KLF8: variants seen among roughly 807,000 people sequenced by gnomAD.
KLF8 encodes the protein Krueppel-like factor 8.
In KLF8, 10 loss-of-function variants were observed where a neutral mutation model predicts 18.2. The ratio of observed to expected loss-of-function variants is 0.55; its 90% CI spans 0.34 to 0.93. The LOEUF (loss-of-function observed/expected upper bound fraction) is 0.93. Ranked by LOEUF, KLF8 falls within the 40% of genes least tolerant of loss-of-function variation. The probability of loss-of-function intolerance (pLI) is 0.02; values close to 1 mark genes in which losing one functional copy is unlikely to be tolerated. For synonymous variants in KLF8, 109 were observed against 97.3 expected (o/e 1.12, Z -0.71); for missense variants, 264 against 277.9 (o/e 0.95, Z 0.36).
chrX:56,282,010 G>A lies in KLF8; in HGVS notation c.899-2303G>A, dbSNP rs186144636. ...TTACAAGTCAAATTTTCCTCAATTG[G>A]TTGAGGTGTATATAGGAATTCTCAG... On this transcript the variant is annotated intron_variant, in intron 5 of 5. Transcript: ENST00000468660. 6.2e-5 allele frequency among the ~76,000 whole-genome samples: 7 copies of A among 112,561 alleles called. No homozygotes were observed. In the Admixed American group the frequency reaches 6.6e-4, roughly 11 times the overall value.
intron 1 of KLF8, 85 bp from the exon 2 acceptor site, chrX:56,250,146 A>G (rs2066684513): frequency 1.6e-6 from 1 of 640,401 alleles, no homozygotes; most frequent in Non-Finnish European, 2.5e-6. Flanking sequence ...AGGTCATAGA[A>G]CACACATAAC....
At chrX:56,051,155 T>C in the KLF8 span, among the ~76,000 whole-genome samples, 1 of 111,521 alleles carries the variant, frequency 9.0e-6, no homozygotes, top group East Asian at 2.8e-4. Flanking sequence ...TTTGAGCCTA[T>C]GTGTGTCTCT....
the KLF8 span, among the ~76,000 whole-genome samples, chrX:56,155,114 C>G: frequency 1.4e-3 from 149 of 110,121 alleles, no homozygotes; most frequent in Non-Finnish European, 1.6e-3. Context: ...GGTATATATC[C>G]AAAGGACTAT....
the KLF8 span, among the ~76,000 whole-genome samples, chrX:56,164,729 C>CTTTTTTTTTTTTTTTTTACTTTT: frequency 1.9e-5 from 1 of 51,920 alleles, no homozygotes; most frequent in Non-Finnish European, 3.3e-5. Context: ...CTTGTTATCT[C>CTTTTTTTTTTTTTTTTTACTTTT]TTTTTTTTTT....
the KLF8 span, among the ~76,000 whole-genome samples, chrX:55,992,881 T>C: frequency 9.0e-6 from 1 of 111,460 alleles, no homozygotes; most frequent in Non-Finnish European, 1.9e-5. Flanking sequence ...GCTGGGGTTC[T>C]TGGTTTGGTT....
the KLF8 span, among the ~76,000 whole-genome samples, chrX:55,956,169 C>CTATCATCTATCT: frequency 1.1e-4 from 9 of 81,867 alleles, no homozygotes; most frequent in African/African-American, 5.5e-4. Context: ...ATCTATCTAT[C>CTATCATCTATCT]ATCTATCTAT....
the KLF8 span, among the ~76,000 whole-genome samples, chrX:56,219,391 T>A: frequency 2.7e-5 from 3 of 110,436 alleles, no homozygotes; most frequent in Non-Finnish European, 5.7e-5. Flanking sequence ...GCAGGAGGGG[T>A]CTGTGCGGGC....
chrX:55,961,477 T>C, the KLF8 span: 2 of 548,526 alleles, frequency 3.6e-6, no homozygotes, highest in Non-Finnish European at 6.7e-6. Context: ...CACAAAAAAT[T>C]TGGACAAAGA....
rs2067271301 is a variant in KLF8, at chrX:56,286,632, C to A, written c.*2138C>A. 8.9e-6 allele frequency: 1 copy of A among 112,456 alleles called. No individual in the cohort carries two copies. The allele number at this position is 112,456 out of a possible 1,213,427, so 9.3% of individuals were successfully genotyped here. A position where few individuals can be genotyped will look rare whatever the true frequency, so the allele number is the denominator to read the frequency against. ...CATTAGGCACACGCTTCTAACACTT[C>A]TATAATATCTAGATTTTATTTACCT... On this transcript the variant is annotated 3_prime_UTR_variant, in exon 6 of 6. Transcript: ENST00000468660.
the KLF8 span, among the ~76,000 whole-genome samples, chrX:56,225,095 G>C: frequency 8.9e-6 from 1 of 111,770 alleles, no homozygotes; most frequent in Non-Finnish European, 1.9e-5. Context: ...TGGGAGTTAA[G>C]ATTTCAACAT....
chrX:55,958,972 G>A, the KLF8 span, among the ~76,000 whole-genome samples: 3 of 111,635 alleles, frequency 2.7e-5, no homozygotes, highest in East Asian at 8.5e-4. Context: ...GTGCAAGGGG[G>A]CTCACCACTG....
intron 5 of KLF8, among the ~76,000 whole-genome samples, chrX:56,282,271 A>G (rs1048851256): frequency 8.9e-6 from 1 of 112,488 alleles, no homozygotes; most frequent in Non-Finnish European, 1.9e-5. Flanking sequence ...TTTAGAAAAC[A>G]TAAATGAGAT....
At chrX:55,942,373 G>T in the KLF8 span, among the ~76,000 whole-genome samples, 16 of 109,866 alleles carry the variant, frequency 1.5e-4, no homozygotes, top group Non-Finnish European at 2.8e-4. Context: ...GTTGTGGGGT[G>T]GGGGGTGGTG....
the KLF8 span, among the ~76,000 whole-genome samples, chrX:56,050,158 TTTC>T: frequency 9.0e-6 from 1 of 110,750 alleles, no homozygotes; most frequent in African/African-American, 3.3e-5. Context: ...TCTTCTCTCT[TTTC>T]TTCTTTATTA....
upstream of KLF8, among the ~76,000 whole-genome samples, chrX:56,230,834 G>A (rs2066395027): frequency 9.0e-6 from 1 of 111,256 alleles, no homozygotes; most frequent in Non-Finnish European, 1.9e-5. Context: ...TTAGTAGGGG[G>A]AGGCAATTAT....
At chrX:56,168,320 G>GA in the KLF8 span, among the ~76,000 whole-genome samples, 327 of 111,111 alleles carry the variant, frequency 2.9e-3, no homozygotes, top group African/African-American at 0.01. Context: ...GTATCAAAAA[G>GA]AAAAAAACTT....
chrX:56,121,042 C>T, the KLF8 span, among the ~76,000 whole-genome samples: 6 of 109,664 alleles, frequency 5.5e-5, no homozygotes, highest in African/African-American at 6.6e-5. Flanking sequence ...AAAAATTAGC[C>T]GGACGTGGTG....
In KLF8 at chrX:56,243,056, T is replaced by C. The variant is rs1437394348; in HGVS notation, c.8-7175T>C. On this transcript the variant is annotated intron_variant, in intron 1 of 5. Coordinates refer to ENST00000468660, the MANE Select transcript of KLF8 (RefSeq NM_007250.5). ...GTGTTGATTTGCCACATCAGTATCA[T>C]AGAGCTTCTTCACAGCCTGTTTGAT... The C allele has an allele frequency of 1.4e-5, 7 of 517,758 alleles. No individual in the cohort carries two copies. In the South Asian group the frequency reaches 1.6e-4, roughly 12 times the overall value. The allele number at this position is 517,758 out of a possible 1,213,427, so 42.7% of individuals were successfully genotyped here.
the KLF8 span, among the ~76,000 whole-genome samples, chrX:56,120,800 G>A: frequency 9.0e-6 from 1 of 111,633 alleles, no homozygotes; most frequent in African/African-American, 3.3e-5. Flanking sequence ...GTTTCCAAGT[G>A]AGGGTGAGAG....
Sources: allele counts gnomAD v4.1 joint callset (sites outside exome capture counted in the v4.1 genomes callset), GRCh38; gene constraint gnomAD v4.1.1; transcripts MANE v1.5; gene names NCBI Gene and HGNC (gene_info 2026-07-23, HGNC 2026-07-21).